ADAMTSL1: variants seen among roughly 807,000 people sequenced by gnomAD.
The protein encoded by ADAMTSL1 is ADAMTS like 1.
In ADAMTSL1, 126 loss-of-function variants were observed where a neutral mutation model predicts 201.8. The ratio of observed to expected loss-of-function variants is 0.62; its 90% CI spans 0.54 to 0.72. The LOEUF (loss-of-function observed/expected upper bound fraction) is 0.72. ADAMTSL1 is among the 30% of genes least tolerant of loss of function. The pLI is 0.00. For synonymous variants in ADAMTSL1, 1,121 were observed against 903.4 expected (o/e 1.24, Z -4.32); for missense variants, 2,679 against 2,277.8 (o/e 1.18, Z -3.59).
Position 18,474,992 on chromosome 9 carries a change from C to A in ADAMTSL1, c.63+697C>A, listed in dbSNP as rs771818438. On this transcript the variant is annotated intron_variant, in intron 1 of 28. Coordinates refer to ENST00000380548, the MANE Select transcript of ADAMTSL1 (RefSeq NM_001040272.6). ...ACGTCAGTACACATTGCATTTTTGA[C>A]TCGAAGTAAATGTTCCGTTGTGACT... Among the ~76,000 whole-genome samples the A allele has an allele frequency of 1.1e-4, 16 of 152,280 alleles. No individual in the cohort carries two copies. The South Asian group carries it at 1.7e-3, about 16-fold the overall frequency.
intron 1 of ADAMTSL1, among the ~76,000 whole-genome samples, chr9:18,106,529 A>G (rs1273959876): frequency 6.6e-6 from 1 of 152,204 alleles, no homozygotes; most frequent in East Asian, 1.9e-4. Context: ...AGGGCATACT[A>G]TTGTGAATCT....
chr9:17,948,253 CCAA>C (rs1302447116), intron 1 of ADAMTSL1, among the ~76,000 whole-genome samples: 1 of 152,146 alleles, frequency 6.6e-6, no homozygotes. Flanking sequence ...CAAGAGTGTT[CCAA>C]CTCCTCTCTG....
chr9:18,733,656 C>G lies in ADAMTSL1; in HGVS notation c.2006+11991C>G, dbSNP rs1818347689. Among the ~76,000 whole-genome samples, 4 of 139,310 alleles carry G rather than the reference C, an allele frequency of 2.9e-5. No homozygotes were observed. In the South Asian group the frequency reaches 9.8e-4, roughly 34 times the overall value. 91.4% of individuals were successfully genotyped at this position (139,310 alleles called of 152,430 possible). A position where few individuals can be genotyped will look rare whatever the true frequency, so the allele number is the denominator to read the frequency against. ...CCCCACACACACACTCACTCGCTCACTCTCTCTCTCTGCCCCCCACCCCAC... is the reference window on the plus strand; with the variant it reads ...CCCCACACACACACTCACTCGCTCAGTCTCTCTCTCTGCCCCCCACCCCAC... On this transcript the variant is annotated intron_variant, in intron 15 of 28. Coordinates refer to ENST00000380548, the MANE Select transcript of ADAMTSL1 (RefSeq NM_001040272.6).
intron 23 of ADAMTSL1, among the ~76,000 whole-genome samples, chr9:18,879,880 T>C (rs553158894): frequency 2.0e-5 from 3 of 152,212 alleles, no homozygotes; most frequent in Non-Finnish European, 2.9e-5. Context: ...TCTTTCAAAA[T>C]TGGTGTCAAT....
At chr9:17,970,741 C>T (rs1042025138) in intron 1 of ADAMTSL1, among the ~76,000 whole-genome samples, 1 of 152,050 alleles carries the variant, frequency 6.6e-6, no homozygotes, top group African/African-American at 2.4e-5. Flanking sequence ...TTAGGCACCT[C>T]TGTGCTCCAT....
At chr9:18,083,593 TAA>T (rs1335000012) in intron 1 of ADAMTSL1, among the ~76,000 whole-genome samples, 78 of 152,282 alleles carry the variant, frequency 5.1e-4, no homozygotes, top group Non-Finnish European at 2.9e-5. Flanking sequence ...TCAGGGCACT[TAA>T]GAGTTATATG....
chr9:18,511,136 T>C (rs1340897169), intron 2 of ADAMTSL1, among the ~76,000 whole-genome samples: 1 of 152,148 alleles, frequency 6.6e-6, no homozygotes, highest in Non-Finnish European at 1.5e-5. Context: ...ACGAGTTAGA[T>C]AGCTGGCTGC....
chr9:17,916,031 T>C (rs557555509), intron 1 of ADAMTSL1, among the ~76,000 whole-genome samples: 4 of 152,288 alleles, frequency 2.6e-5, no homozygotes, highest in South Asian at 4.1e-4. Flanking sequence ...ACAATTCTCA[T>C]GCTTCTGCAT....
At chr9:18,078,659 T>A (rs1823336519) in intron 1 of ADAMTSL1, among the ~76,000 whole-genome samples, 1 of 152,110 alleles carries the variant, frequency 6.6e-6, no homozygotes, top group Non-Finnish European at 1.5e-5. Flanking sequence ...TAGACTTCTC[T>A]TCTAAGCCCC....
At chr9:18,472,665 A>G (rs1280660456), upstream of ADAMTSL1, among the ~76,000 whole-genome samples, 1 of 152,202 alleles carries the variant, frequency 6.6e-6, no homozygotes, top group Non-Finnish European at 1.5e-5. Flanking sequence ...TCACATGCCC[A>G]TTATGGCTTG....
chr9:18,812,555 C>T (rs114413310), intron 20 of ADAMTSL1, among the ~76,000 whole-genome samples: 2,740 of 152,222 alleles, frequency 0.018, 78 homozygotes, highest in African/African-American at 0.064. Context: ...CTATCAAAAG[C>T]ATAATCCTGT....
rs946455233 is a variant in ADAMTSL1 at position 18,063,335 on chromosome 9, C to A, written c.88-100527C>A. Among the ~76,000 whole-genome samples the A allele has an allele frequency of 5.3e-5, 8 of 152,272 alleles. No homozygotes were observed. In the South Asian group the frequency reaches 1.7e-3, roughly 32 times the overall value. ...CTGAACTCCAGCTTGGGCAGGAGAGCAAGAGCCCACTATTAAACAAATTGT... is the reference window on the plus strand; with the variant it reads ...CTGAACTCCAGCTTGGGCAGGAGAGAAAGAGCCCACTATTAAACAAATTGT... On this transcript the variant is annotated intron_variant, in intron 1 of 29. Coordinates refer to the ADAMTSL1 transcript ENST00000680146.
At chr9:18,089,465 G>T (rs187780768) in intron 1 of ADAMTSL1, among the ~76,000 whole-genome samples, 168 of 152,032 alleles carry the variant, frequency 1.1e-3, no homozygotes, top group African/African-American at 3.9e-3. Context: ...GGGCCTGTCG[G>T]GGGGTGGGGA....
intron 2 of ADAMTSL1, among the ~76,000 whole-genome samples, chr9:18,251,145 T>C (rs1244849492): frequency 6.6e-6 from 1 of 151,994 alleles, no homozygotes; most frequent in Non-Finnish European, 1.5e-5. Context: ...ATTAGAAGAA[T>C]CATTACTGTA....
chr9:18,819,615 C>T (rs1186771211), intron 21 of ADAMTSL1, among the ~76,000 whole-genome samples: 1 of 152,172 alleles, frequency 6.6e-6, no homozygotes, highest in Non-Finnish European at 1.5e-5. Context: ...GCCTAGGGCC[C>T]TCTCTCTGGG....
intron 1 of ADAMTSL1, among the ~76,000 whole-genome samples, chr9:18,072,994 C>T (rs990210447): frequency 3.3e-5 from 5 of 152,016 alleles, no homozygotes; most frequent in East Asian, 1.9e-4. Flanking sequence ...ATTTAGGAAG[C>T]GAGACAACGA....
chr9:18,397,520 C>T (rs908035733), intron 2 of ADAMTSL1, among the ~76,000 whole-genome samples: 2 of 152,028 alleles, frequency 1.3e-5, no homozygotes, highest in East Asian at 3.9e-4. Flanking sequence ...ACAAAACCAC[C>T]GTGTGAAAAG....
At chr9:18,889,846 G>A (rs930481973) in intron 25 of ADAMTSL1, 98 bp downstream of exon 25, 62 of 1,222,570 alleles carry the variant, frequency 5.1e-5, no homozygotes, top group Non-Finnish European at 6.4e-5. Context: ...ACTGTGCAGG[G>A]AGAGATGCCA....
chr9:18,509,491 G>A (rs1393678373), intron 2 of ADAMTSL1, among the ~76,000 whole-genome samples: 1 of 152,162 alleles, frequency 6.6e-6, no homozygotes, highest in Non-Finnish European at 1.5e-5. Flanking sequence ...GCTTGGCTAG[G>A]CAGCTCTGAT....
Sources: allele counts gnomAD v4.1 joint callset (sites outside exome capture counted in the v4.1 genomes callset), GRCh38; gene constraint gnomAD v4.1.1; transcripts MANE v1.5; gene names NCBI Gene and HGNC (gene_info 2026-07-23, HGNC 2026-07-21).